The following DAPK1 variants were observed in gnomAD, a reference collection of about 807,000 sequenced individuals.
DAPK1 encodes the protein death associated protein kinase 1.
A neutral mutation model predicts 144.9 loss-of-function variants in DAPK1; 56 were observed. The observed-to-expected ratio is 0.39, with a 90% CI of 0.31 to 0.48. The LOEUF (loss-of-function observed/expected upper bound fraction) is 0.48, where lower values mean the gene tolerates loss of function less well. DAPK1 is among the 20% of genes least tolerant of loss of function. DAPK1 has a pLI of 0.95. For synonymous variants in DAPK1, 690 were observed against 749.0 expected, an observed-to-expected ratio of 0.92 and a Z score of 1.29; for missense variants, 1,454 against 1,875.4, an observed-to-expected ratio of 0.78 and a Z score of 4.15.
intron 22 of DAPK1, among the ~76,000 whole-genome samples, chr9:87,697,674 C>T (rs144373515): frequency 4.0e-4 from 61 of 152,260 alleles, no homozygotes; most frequent in African/African-American, 1.3e-3. Context: ...AGAAAGAGGC[C>T]GGGTGCAGTG....
chr9:87,623,658 G>T (rs1829388439), intron 3 of DAPK1, among the ~76,000 whole-genome samples: 1 of 152,174 alleles, frequency 6.6e-6, no homozygotes, highest in South Asian at 2.1e-4. Flanking sequence ...TGGGAGTGGA[G>T]GTGTAAGACA....
chr9:87,698,128 C>T (rs1030720531), intron 22 of DAPK1, among the ~76,000 whole-genome samples: 3 of 152,148 alleles, frequency 2.0e-5, no homozygotes, highest in Non-Finnish European at 4.4e-5. Context: ...TTTTTCTTTC[C>T]GGAAAAGCAT....
At chr9:87,583,413 G>A (rs907092499) in intron 2 of DAPK1, among the ~76,000 whole-genome samples, 10 of 152,278 alleles carry the variant, frequency 6.6e-5, no homozygotes, top group Middle Eastern at 3.4e-3. Flanking sequence ...CCTCAAATGC[G>A]TACAGCAAAT....
intron 1 of DAPK1, 189 bp from the exon 2 acceptor site, chr9:87,498,781 G>T: frequency 2.3e-6 from 1 of 435,824 alleles, no homozygotes; most frequent in East Asian, 3.2e-5. Flanking sequence ...CCACGCGCGC[G>T]CGGGGCTGAG....
Position 87,637,949 on chromosome 9 carries a change from A to G in DAPK1, c.291A>G (p.Ala97=). The G allele has an allele frequency of 6.2e-7, 1 of 1,613,748 alleles. No homozygotes were observed. The highest frequency in any genetic ancestry group is 8.5e-7 in the Non-Finnish European group (1 of 1,179,710). ...TDVILILELV[A]GGELFDFLAE... ...TCTGCTTCCGGGTTCTCAGCGTTGC[A>G]GGTGGCGAGCTGTTTGACTTCTTAG... The change falls in exon 4 of 26, where the codon GCA becomes GCG. Residue 97 remains alanine, a synonymous_variant. Transcript: ENST00000408954.
At chr9:87,635,845 C>T (rs1829876220) in intron 3 of DAPK1, among the ~76,000 whole-genome samples, 1 of 152,224 alleles carries the variant, frequency 6.6e-6, no homozygotes. Flanking sequence ...CACTTGACTT[C>T]TCCACATCAC....
intron 21 of DAPK1, among the ~76,000 whole-genome samples, chr9:87,688,344 A>G (rs1824940442): frequency 6.6e-6 from 1 of 152,136 alleles, no homozygotes. Flanking sequence ...TCTGCCATTG[A>G]TGGGCGCCTA....
chr9:87,506,241 T>C (rs1311825385), intron 2 of DAPK1, among the ~76,000 whole-genome samples: 6 of 152,238 alleles, frequency 3.9e-5, no homozygotes, highest in Admixed American at 3.9e-4. Flanking sequence ...TTGGCGCCAA[T>C]TTATTTCAGC....
At chr9:87,632,635 G>A (rs1172284182) in intron 3 of DAPK1, 24 of 982,586 alleles carry the variant, frequency 2.4e-5, no homozygotes, top group Non-Finnish European at 2.8e-5. Flanking sequence ...TATATATGTA[G>A]GGATGAAGGA....
chr9:87,510,231 C>T (rs10122321), intron 2 of DAPK1, among the ~76,000 whole-genome samples: 29,824 of 152,036 alleles, frequency 0.2, 3,277 homozygotes, highest in East Asian at 0.42. Flanking sequence ...AGCCTCGTGG[C>T]CATGGAGAAG....
chr9:87,531,340 T>C (rs540693885), intron 2 of DAPK1, among the ~76,000 whole-genome samples: 1 of 152,272 alleles, frequency 6.6e-6, no homozygotes, highest in African/African-American at 2.4e-5. Context: ...AGAAACAATA[T>C]TTGAAAATGG....
At chr9:87,654,646 C>G (rs1830571983) in intron 17 of DAPK1, among the ~76,000 whole-genome samples, 1 of 152,178 alleles carries the variant, frequency 6.6e-6, no homozygotes, top group African/African-American at 2.4e-5. Flanking sequence ...TATGAAGTAG[C>G]ATCAAGACCT....
chr9:87,581,918 TGTA>T (rs1827764395), intron 2 of DAPK1, among the ~76,000 whole-genome samples: 1 of 152,258 alleles, frequency 6.6e-6, no homozygotes, highest in Non-Finnish European at 1.5e-5. Context: ...TCGGGCTTAA[TGTA>T]GTAAGACATT....
chr9:87,631,604 G>A (rs1324635150), intron 3 of DAPK1, among the ~76,000 whole-genome samples: 1 of 152,220 alleles, frequency 6.6e-6, no homozygotes, highest in African/African-American at 2.4e-5. Context: ...TAAATCTGCT[G>A]CACAGACTGC....
rs1309966230 is a variant in DAPK1, at chr9:87,707,315, G to A, written c.4244G>A (p.Cys1415Tyr). The change falls in exon 26 of 26, where the codon TGC becomes TAC. Residue 1415 changes from cysteine (C) to tyrosine (Y), a missense_variant. By Grantham distance (194) the Cys-to-Tyr change is radical (BLOSUM62 -2). This residue lies in a region of DAPK1 where 1,025 missense variants were observed against 1,237.9 expected (regional missense o/e 0.83). Transcript: ENST00000408954. The surrounding 1 kb of genome is among the most constrained non-coding windows in gnomAD (Gnocchi z 4.0). Reference protein sequence around the residue: ...GNGQEAYASSCNSGTSYNSIS... With the variant: ...GNGQEAYASSYNSGTSYNSIS... ...GGCCAGGAGGCCTATGCCTCGAGCT[G>A]CAACAGCGGCACCTCTTACAATTCC... 3 of 1,612,480 alleles carry A rather than the reference G, an allele frequency of 1.9e-6. No homozygotes were observed. The highest frequency in any genetic ancestry group is 1.7e-5 in the Admixed American group (1 of 59,910).
rs192387876 is a variant in DAPK1, at chr9:87,640,282, A to T, written c.630-16A>T. 18 of 1,609,918 alleles carry T rather than the reference A, an allele frequency of 1.1e-5. No individual in the cohort carries two copies. The African/African-American group carries it at 2.3e-4, about 20-fold the overall frequency. ...GGTCATCATTAATGTTCTATGCCCA[A>T]CTTTATTTTTAACAGCCTAAGTGGG... On this transcript the variant is annotated splice_polypyrimidine_tract_variant and intron_variant, in intron 7 of 25. Coordinates refer to ENST00000408954, the MANE Select transcript of DAPK1 (RefSeq NM_004938.4).
At chr9:87,705,242 T>TA (rs1825598365) in intron 25 of DAPK1, among the ~76,000 whole-genome samples, 1 of 99,312 alleles carries the variant, frequency 1.0e-5, no homozygotes, top group African/African-American at 5.0e-5. Context: ...ATTAATTAAT[T>TA]TTTTTTTTTT....
intron 3 of DAPK1, chr9:87,632,649 T>C (rs1829740549): frequency 1.0e-6 from 1 of 982,180 alleles, no homozygotes; most frequent in African/African-American, 1.8e-5. Context: ...TGAAGGAGGA[T>C]GAGTACCTGT....
At chr9:87,508,612 G>A (rs1435169441) in intron 2 of DAPK1, among the ~76,000 whole-genome samples, 1 of 152,134 alleles carries the variant, frequency 6.6e-6, no homozygotes, top group Non-Finnish European at 1.5e-5. Flanking sequence ...AAAGTGCTGG[G>A]ATTACAGGCG....
Sources: gnomAD v4.1 joint callset for allele counts (sites outside exome capture counted in the v4.1 genomes callset) on GRCh38, gnomAD v4.1.1 for gene constraint, gnomAD v4.1.1 regional missense constraint, Gnocchi (gnomAD v3.1) non-coding constraint, MANE v1.5 for transcripts, NCBI Gene and HGNC (gene_info 2026-07-23, HGNC 2026-07-21) for gene names.